The following DLG2 variants were observed in gnomAD, a reference collection of about 807,000 sequenced individuals.
DLG2 encodes the protein discs large MAGUK scaffold protein 2.
In DLG2, 45 loss-of-function variants were observed where a neutral mutation model predicts 132.5. The observed-to-expected ratio is 0.34, with a 90% CI of 0.27 to 0.44. The LOEUF is 0.44. Among genes scored for constraint, DLG2 ranks in the 20% least tolerant of loss-of-function variants. DLG2 has a pLI of 1.00. For synonymous variants in DLG2, 424 were observed against 419.6 expected (o/e 1.01, Z -0.13); for missense variants, 1,045 against 1,196.9 (o/e 0.87, Z 1.87).
chr11:83,605,039 T>G (rs199897093), intron 19 of DLG2, among the ~76,000 whole-genome samples: 291 of 81,838 alleles, frequency 3.6e-3, no homozygotes, highest in Middle Eastern at 6.1e-3. Context: ...GAGAGAGAGA[T>G]TGATTGATTC....
chr11:85,387,487 C>G (rs191269171), intron 3 of DLG2, among the ~76,000 whole-genome samples: 37 of 152,274 alleles, frequency 2.4e-4, no homozygotes, highest in Admixed American at 1.3e-4. Context: ...CAATGTGTAA[C>G]ATTTTCAAAA....
chr11:84,421,034 G>C (rs2098949038), intron 7 of DLG2, among the ~76,000 whole-genome samples: 1 of 152,108 alleles, frequency 6.6e-6, no homozygotes, highest in Admixed American at 6.5e-5. Context: ...TTAGGAGGTG[G>C]AGCTCTTGAA....
intron 6 of DLG2, among the ~76,000 whole-genome samples, chr11:84,922,445 A>C (rs939174952): frequency 6.6e-6 from 1 of 152,196 alleles, no homozygotes; most frequent in African/African-American, 2.4e-5. Context: ...ACTTGGGCTC[A>C]ACTTCAGAGG....
intron 6 of DLG2, among the ~76,000 whole-genome samples, chr11:85,000,191 A>G (rs1204869107): frequency 6.6e-6 from 1 of 152,110 alleles, no homozygotes; most frequent in African/African-American, 2.4e-5. Context: ...TGTGCTCATT[A>G]TAAGCCTGCC....
intron 6 of DLG2, among the ~76,000 whole-genome samples, chr11:84,751,384 C>G (rs2066090921): frequency 6.6e-6 from 1 of 151,936 alleles, no homozygotes; most frequent in African/African-American, 2.4e-5. Context: ...TTTCAAGCAG[C>G]AAGAAGGTGA....
At chr11:85,500,437 T>C (rs918817990) in intron 3 of DLG2, among the ~76,000 whole-genome samples, 1 of 146,092 alleles carries the variant, frequency 6.8e-6, no homozygotes, top group African/African-American at 2.7e-5. Flanking sequence ...ATATACCTAA[T>C]GCTAGATGAC....
chr11:84,236,234 G>A (rs1256108821), intron 8 of DLG2, among the ~76,000 whole-genome samples: 9 of 152,122 alleles, frequency 5.9e-5, no homozygotes, highest in Non-Finnish European at 1.3e-4. Flanking sequence ...AACTGCCATC[G>A]AATAAACCTG....
chr11:83,861,652 G>A lies in DLG2; in HGVS notation c.1565+12768C>T, dbSNP rs149955608. ...AAACGTCATATTTTCTCACTTATTC[G>A]TGGAATCTAAAATTCGAAACAATTG... On this transcript the variant is annotated intron_variant, in intron 16 of 27. Coordinates refer to ENST00000376104, the MANE Select transcript of DLG2 (RefSeq NM_001142699.3). 5.9e-4 allele frequency among the ~76,000 whole-genome samples: 89 copies of A among 152,118 alleles called. 1 individual carries two copies. The East Asian group carries it at 9.5e-3, about 16-fold the overall frequency.
chr11:84,248,461 A>G (rs1195867092), intron 8 of DLG2, among the ~76,000 whole-genome samples: 2 of 152,150 alleles, frequency 1.3e-5, no homozygotes, highest in Admixed American at 6.5e-5. Flanking sequence ...AGAACATACT[A>G]CCATGATAAT....
At chr11:85,019,289 A>G (rs1475917010) in intron 6 of DLG2, among the ~76,000 whole-genome samples, 1 of 152,180 alleles carries the variant, frequency 6.6e-6, no homozygotes, top group Non-Finnish European at 1.5e-5. Context: ...AAAGGAAGTG[A>G]AAATGGGACT....
chr11:83,467,607 A>G (rs923739322), intron 25 of DLG2, among the ~76,000 whole-genome samples: 2 of 151,508 alleles, frequency 1.3e-5, no homozygotes, highest in Non-Finnish European at 1.5e-5. Flanking sequence ...AAAGTTCACC[A>G]GGCATGGTGG....
At chr11:85,586,564 G>T (rs570879531) in intron 3 of DLG2, among the ~76,000 whole-genome samples, 1 of 152,026 alleles carries the variant, frequency 6.6e-6, no homozygotes, top group African/African-American at 2.4e-5. Context: ...CTCCCATTTC[G>T]TTTCTAATTG....
intron 3 of DLG2, among the ~76,000 whole-genome samples, chr11:85,428,010 A>G (rs1365426579): frequency 6.6e-6 from 1 of 152,210 alleles, no homozygotes; most frequent in East Asian, 1.9e-4. Flanking sequence ...TAAACCAACA[A>G]AGATCAAAAG....
At chr11:83,790,984 C>G in intron 17 of DLG2, 1 of 817,944 alleles carries the variant, frequency 1.2e-6, no homozygotes, top group Admixed American at 2.2e-5. Context: ...TACAGGTCTC[C>G]GTTCTGAGAA....
intron 7 of DLG2, among the ~76,000 whole-genome samples, chr11:84,278,130 C>G (rs1228421906): frequency 6.8e-6 from 1 of 147,636 alleles, no homozygotes; most frequent in Non-Finnish European, 1.5e-5. Flanking sequence ...TCAAGCAATC[C>G]TCCAGCCTCA....
intron 11 of DLG2, among the ~76,000 whole-genome samples, chr11:84,024,136 G>T (rs1048887641): frequency 6.6e-6 from 1 of 152,056 alleles, no homozygotes; most frequent in African/African-American, 2.4e-5. Flanking sequence ...TTGTTTAAGG[G>T]TCAACAATAC....
chr11:84,155,641 T>C (rs2095413695), intron 9 of DLG2, among the ~76,000 whole-genome samples: 2 of 151,904 alleles, frequency 1.3e-5, no homozygotes, highest in African/African-American at 4.8e-5. Context: ...CCCCACTGTT[T>C]TTATAAGCTT....
rs2154540441 is a variant in DLG2 at position 84,618,569 on chromosome 11, G to T, written c.358-83838C>A. 2.0e-5 allele frequency among the ~76,000 whole-genome samples: 3 copies of T among 152,132 alleles called. No homozygotes were observed. The Middle Eastern group carries it at 0.01, about 517-fold the overall frequency. ...CCCAGAGGAAAAATAGTTCTTTCAGGTCTGAGATCAGAAAATTTGAGAATC... is the reference window on the plus strand; with the variant it reads ...CCCAGAGGAAAAATAGTTCTTTCAGTTCTGAGATCAGAAAATTTGAGAATC... On this transcript the variant is annotated intron_variant, in intron 6 of 27. Transcript: ENST00000376104.
In DLG2 at chr11:84,602,279, A is replaced by G. The variant is rs573329247; in HGVS notation, c.358-67548T>C. Among the ~76,000 whole-genome samples the G allele has an allele frequency of 2.6e-5, 4 of 152,058 alleles. 1 individual carries two copies. The highest frequency in any genetic ancestry group is 9.6e-5 in the African/African-American group (4 of 41,560). Reference sequence around the variant, plus strand: ...CAGTGTCTCAGTTTATTCTCTAAACAACTCTAAGAAATACCTATTATTTTC... The same window carrying G: ...CAGTGTCTCAGTTTATTCTCTAAACGACTCTAAGAAATACCTATTATTTTC... On this transcript the variant is annotated intron_variant, in intron 6 of 27. Coordinates refer to ENST00000376104, the MANE Select transcript of DLG2 (RefSeq NM_001142699.3).
Sources: gnomAD v4.1 joint callset for allele counts (sites outside exome capture counted in the v4.1 genomes callset) on GRCh38, gnomAD v4.1.1 for gene constraint, MANE v1.5 for transcripts, NCBI Gene and HGNC (gene_info 2026-07-23, HGNC 2026-07-21) for gene names.